The following SYNDIG1 variants were observed in gnomAD, a reference collection of about 807,000 sequenced individuals.
The protein encoded by SYNDIG1 is synapse differentiation inducing 1.
In SYNDIG1, 9 loss-of-function variants were observed where a neutral mutation model predicts 19.4. The observed-to-expected ratio is 0.46, with a 90% CI of 0.28 to 0.81. The LOEUF (loss-of-function observed/expected upper bound fraction) is 0.81, where lower values mean the gene tolerates loss of function less well. Among genes scored for constraint, SYNDIG1 ranks in the 30% least tolerant of loss-of-function variants. The probability of loss-of-function intolerance (pLI) is 0.12; values close to 1 mark genes in which losing one functional copy is unlikely to be tolerated. For missense variants in SYNDIG1, 311 were observed against 343.3 expected (o/e 0.91, Z 0.74); for synonymous variants, 141 against 145.9 (o/e 0.97, Z 0.24).
At chr20:24,511,509 T>G (rs2056741641) in intron 1 of SYNDIG1, among the ~76,000 whole-genome samples, 1 of 152,156 alleles carries the variant, frequency 6.6e-6, no homozygotes. Context: ...TTCTCTGAGC[T>G]TCCCGTCTTT....
intron 3 of SYNDIG1, among the ~76,000 whole-genome samples, chr20:24,640,468 G>A (rs1600813364): frequency 1.9e-5 from 2 of 105,242 alleles, no homozygotes; most frequent in African/African-American, 8.5e-5. Context: ...AAGGGAGGGA[G>A]GGAAAGAAGG....
rs2147223865 is a variant in SYNDIG1, at chr20:24,619,354, C to T, written c.618+34361C>T. On this transcript the variant is annotated intron_variant, in intron 3 of 3. Transcript: ENST00000376862. ...GAAGAGTGGGGACCCAGGGCCATTC[C>T]TCCTGGGCCCACTGGTCATTGTCAT... 1.3e-5 allele frequency among the ~76,000 whole-genome samples: 2 copies of T among 152,334 alleles called. 1 individual carries two copies. The highest frequency in any genetic ancestry group is 4.1e-4 in the South Asian group (2 of 4,828).
intron 1 of SYNDIG1, among the ~76,000 whole-genome samples, chr20:24,492,638 C>T (rs1457751975): frequency 1.3e-5 from 2 of 152,194 alleles, no homozygotes; most frequent in Non-Finnish European, 1.5e-5. Context: ...GCAGTCCCCA[C>T]AACCGCCCCC....
chr20:24,535,908 CTT>C (rs1405919544), intron 1 of SYNDIG1, among the ~76,000 whole-genome samples: 1 of 152,190 alleles, frequency 6.6e-6, no homozygotes, highest in Non-Finnish European at 1.5e-5. Flanking sequence ...GGGGTACTGA[CTT>C]AAACAAGTAA....
chr20:24,565,214 G>A (rs2058022707), intron 2 of SYNDIG1, among the ~76,000 whole-genome samples: 1 of 152,170 alleles, frequency 6.6e-6, no homozygotes, highest in Non-Finnish European at 1.5e-5. Flanking sequence ...GGGATATAGT[G>A]GAAGTCTGTG....
intron 3 of SYNDIG1, among the ~76,000 whole-genome samples, chr20:24,630,912 A>C (rs2059231685): frequency 1.3e-5 from 2 of 152,268 alleles, no homozygotes; most frequent in African/African-American, 4.8e-5. Context: ...GGAGCAATAA[A>C]GAACACTCTC....
intron 1 of SYNDIG1, among the ~76,000 whole-genome samples, chr20:24,512,122 T>TATATATAC (rs2056757809): frequency 8.8e-6 from 1 of 114,020 alleles, no homozygotes; most frequent in Non-Finnish European, 1.8e-5. Flanking sequence ...TATATATATA[T>TATATATAC]ATATATATAT....
At chr20:24,573,056 C>G (rs754575711) in intron 2 of SYNDIG1, among the ~76,000 whole-genome samples, 3 of 152,180 alleles carry the variant, frequency 2.0e-5, no homozygotes, top group Non-Finnish European at 4.4e-5. Flanking sequence ...ACCCACTGCT[C>G]TGCTGTAAGT....
intron 3 of SYNDIG1, among the ~76,000 whole-genome samples, chr20:24,618,769 AT>A (rs1342805004): frequency 6.6e-6 from 1 of 151,688 alleles, no homozygotes; most frequent in Non-Finnish European, 1.5e-5. Flanking sequence ...TGAGTCTCTT[AT>A]TTTTTTCTCT....
intron 3 of SYNDIG1, among the ~76,000 whole-genome samples, chr20:24,630,345 C>T (rs565559595): frequency 5.9e-5 from 9 of 152,090 alleles, no homozygotes; most frequent in Non-Finnish European, 1.2e-4. Flanking sequence ...GGTGAAATGC[C>T]CCAAACACTG....
intron 3 of SYNDIG1, among the ~76,000 whole-genome samples, chr20:24,625,384 A>ATTTTTTTTTTTT (rs35759862): frequency 1.7e-5 from 2 of 115,278 alleles, no homozygotes; most frequent in Non-Finnish European, 3.4e-5. Flanking sequence ...TGCCTGGGAC[A>ATTTTTTTTTTTT]TTTTTTTTTT....
chr20:24,543,008 C>T lies in SYNDIG1; in HGVS notation c.-78-12C>T. On this transcript the variant is annotated splice_polypyrimidine_tract_variant and intron_variant, in intron 1 of 3. Transcript: ENST00000376862. ...GATTCTCTTGTCTCATCTCTGTTTT[C>T]TCCTCCTCCAGGAGAAATGGCTTCC... 6.5e-7 allele frequency: 1 copy of T among 1,534,648 alleles called. No individual in the cohort carries two copies. The highest frequency in any genetic ancestry group is 8.8e-7 in the Non-Finnish European group (1 of 1,137,424).
At chr20:24,588,074 T>TA (rs2058447504) in intron 3 of SYNDIG1, among the ~76,000 whole-genome samples, 1 of 152,210 alleles carries the variant, frequency 6.6e-6, no homozygotes, top group African/African-American at 2.4e-5. Context: ...TGTCCTGTTG[T>TA]AGCCTGGTCC....
chr20:24,591,233 TA>T (rs1011753931), intron 3 of SYNDIG1, among the ~76,000 whole-genome samples: 13 of 150,298 alleles, frequency 8.6e-5, no homozygotes, highest in East Asian at 2.0e-4. Context: ...ACAAAAATTT[TA>T]AAAAAAAAAA....
intron 3 of SYNDIG1, among the ~76,000 whole-genome samples, chr20:24,663,648 T>C (rs929701309): frequency 1.3e-5 from 2 of 152,116 alleles, no homozygotes; most frequent in African/African-American, 4.8e-5. Flanking sequence ...CGCAAGTGGG[T>C]ACTCAGATGT....
At chr20:24,618,511 C>T (rs1388288930) in intron 3 of SYNDIG1, among the ~76,000 whole-genome samples, 2 of 152,158 alleles carry the variant, frequency 1.3e-5, no homozygotes, top group Non-Finnish European at 2.9e-5. Flanking sequence ...AATTATGTCC[C>T]GACTAGCCTG....
At chr20:24,470,502 C>T (rs947938469) in intron 1 of SYNDIG1, among the ~76,000 whole-genome samples, 4 of 152,210 alleles carry the variant, frequency 2.6e-5, no homozygotes, top group Admixed American at 2.0e-4. Flanking sequence ...TGGGAGCGAG[C>T]ACATACGCTT....
rs1233074326 is a variant in SYNDIG1, at chr20:24,658,784, G to A, written c.619-6562G>A. Among the ~76,000 whole-genome samples, 1 of 152,150 alleles carries A rather than the reference G, an allele frequency of 6.6e-6. No individual in the cohort carries two copies. The highest frequency in any genetic ancestry group is 1.5e-5 in the Non-Finnish European group (1 of 68,036). On this transcript the variant is annotated intron_variant, in intron 3 of 3. Transcript: ENST00000376862. This position sits in a 1 kb window ranked among gnomAD's most constrained non-coding sequence, Gnocchi z 4.4. ...GGCTCTTCTCCCAGCGGGGTCGTCT[G>A]CCTCGTTTTCTCCCAGATCCATGCT... is the stretch of plus-strand genomic sequence containing the variant.
intron 3 of SYNDIG1, among the ~76,000 whole-genome samples, chr20:24,601,380 C>G (rs6076242): frequency 6.6e-6 from 1 of 152,062 alleles, no homozygotes; most frequent in Non-Finnish European, 1.5e-5. Context: ...TAAAACTGAC[C>G]TATTTTTCAA....
Sources: allele counts gnomAD v4.1 joint callset (sites outside exome capture counted in the v4.1 genomes callset), GRCh38; gene constraint gnomAD v4.1.1; non-coding constraint Gnocchi (gnomAD v3.1); transcripts MANE v1.5; gene names NCBI Gene and HGNC (gene_info 2026-07-23, HGNC 2026-07-21).